Variants in TUBGCP4 observed in about 807,000 individuals in gnomAD.
TUBGCP4 encodes gamma-tubulin complex component 4.
A neutral mutation model predicts 91.6 loss-of-function variants in TUBGCP4; 54 were observed. That is an observed-to-expected ratio of 0.59 (90% CI 0.47 to 0.74). The LOEUF (loss-of-function observed/expected upper bound fraction) is 0.74. TUBGCP4 is among the 30% of genes least tolerant of loss of function. TUBGCP4 has a pLI of 0.00. For synonymous variants in TUBGCP4, 297 were observed against 302.8 expected, an observed-to-expected ratio of 0.98 and a Z score of 0.20; for missense variants, 593 against 800.9, an observed-to-expected ratio of 0.74 and a Z score of 3.13.
chr15:43,373,159 TAAAC>T (rs772473515), intron 1 of TUBGCP4, among the ~76,000 whole-genome samples: 8 of 152,180 alleles, frequency 5.3e-5, no homozygotes, highest in Non-Finnish European at 1.0e-4. Flanking sequence ...ATAATACTCT[TAAAC>T]AACTATAAAA....
At position 43,409,418 on chromosome 15, in the gene TUBGCP4, T is replaced by C; in HGVS notation, c.*4204T>C. 1 of 538,424 alleles carries C rather than the reference T, an allele frequency of 1.9e-6. No homozygotes were observed. Among genetic ancestry groups the C allele is most frequent in the Non-Finnish European group, 3.3e-6 (1 of 304,754 alleles). 33.4% of individuals were successfully genotyped at this position (538,424 alleles called of 1,614,324 possible). On this transcript the variant is annotated 3_prime_UTR_variant, in exon 18 of 18. Coordinates refer to ENST00000564079, the MANE Select transcript of TUBGCP4 (RefSeq NM_014444.5). ...ACTAAACATAAACATCAATCTTCTT[T>C]TGTCCCAGCAACAGAACCATAGCCA...
In TUBGCP4 at chr15:43,409,647, C is replaced by T; in HGVS notation, c.*4433C>T. 6.6e-7 allele frequency: 1 copy of T among 1,525,218 alleles called. No individual in the cohort carries two copies. Among genetic ancestry groups the T allele is most frequent in the Non-Finnish European group, 8.9e-7 (1 of 1,129,854 alleles). The allele number at this position is 1,525,218 out of a possible 1,614,324, so 94.5% of individuals were successfully genotyped here. The stretch of plus-strand genomic sequence containing the variant: ...TAGGTTACACAAAGAAACTCCTCAC[C>T]TGGGCTTCATTGAAATCTTCAAGGA... On this transcript the variant is annotated 3_prime_UTR_variant, in exon 18 of 18. Transcript: ENST00000564079.
chr15:43,375,466 T>C (rs533106432), intron 1 of TUBGCP4, among the ~76,000 whole-genome samples: 2 of 152,370 alleles, frequency 1.3e-5, no homozygotes, highest in East Asian at 3.9e-4. Context: ...ATTTTCCCAC[T>C]ACTTTTTTCT....
rs2044776473 is a variant in TUBGCP4 at position 43,404,157 on chromosome 15, C to T, written c.1849-256C>T. 5.6e-6 allele frequency: 3 copies of T among 538,844 alleles called. No individual in the cohort carries two copies. In the Admixed American group the frequency reaches 9.6e-5, roughly 17 times the overall value. 33.4% of individuals were successfully genotyped at this position (538,844 alleles called of 1,614,324 possible). On this transcript the variant is annotated intron_variant, in intron 16 of 17. Transcript: ENST00000564079. ...AAACGGGTTCTCCCCAACCCCAGTA[C>T]TTGACAAAATACATTAACTGGAAAC... is the stretch of plus-strand genomic sequence containing the variant.
At chr15:43,394,585 T>C (rs1302299587) in intron 9 of TUBGCP4, 1 of 152,428 alleles carries the variant, frequency 6.6e-6, no homozygotes, top group African/African-American at 2.4e-5. Context: ...ATGATTGATA[T>C]GCTTGGACCT....
intron 9 of TUBGCP4, among the ~76,000 whole-genome samples, chr15:43,393,844 G>C (rs920088403): frequency 4.6e-5 from 7 of 152,106 alleles, no homozygotes; most frequent in African/African-American, 1.7e-4. Flanking sequence ...AACAAAATGT[G>C]GTTTCGATCT....
chr15:43,381,475 G>A (rs1233849151), intron 6 of TUBGCP4, among the ~76,000 whole-genome samples: 1 of 152,176 alleles, frequency 6.6e-6, no homozygotes, highest in African/African-American at 2.4e-5. Context: ...GGTGGCTCAC[G>A]CTTGTAATCC....
At chr15:43,400,268 T>C (rs371997589) in intron 14 of TUBGCP4, 47 bp downstream of exon 14, 5 of 1,563,284 alleles carry the variant, frequency 3.2e-6, no homozygotes, top group African/African-American at 2.7e-5. Context: ...GAAAAACGTC[T>C]AGGAGGTTGG....
At chr15:43,395,344 AC>A in intron 10 of TUBGCP4, 187 bp downstream of exon 10, 1 of 701,906 alleles carries the variant, frequency 1.4e-6, no homozygotes, top group Non-Finnish European at 2.5e-6. Flanking sequence ...TTGGGAGTGT[AC>A]TTTTTTCTGG....
At chr15:43,404,286 G>A in intron 16 of TUBGCP4, 127 bp from the exon 17 acceptor site, 1 of 1,117,002 alleles carries the variant, frequency 9.0e-7, no homozygotes. Context: ...AGGAATGTGG[G>A]AAGGCCAGGT....
chr15:43,376,946 A>G lies in TUBGCP4; in HGVS notation c.331-68A>G, dbSNP rs2044214766. The G allele has an allele frequency of 4.5e-6, 6 of 1,333,882 alleles. No individual in the cohort carries two copies. In the East Asian group the frequency reaches 1.4e-4, roughly 31 times the overall value. 82.6% of individuals were successfully genotyped at this position (1,333,882 alleles called of 1,614,324 possible). A position where few individuals can be genotyped will look rare whatever the true frequency, so the allele number is the denominator to read the frequency against. ...AAGCCCATCATGAGATTCTCTTCTC[A>G]TTTTCATAGATCAAATAGATTTGAG... On this transcript the variant is annotated intron_variant, in intron 3 of 17. Transcript: ENST00000564079.
chr15:43,400,716 G>C (rs978391502), intron 14 of TUBGCP4, among the ~76,000 whole-genome samples: 9 of 152,018 alleles, frequency 5.9e-5, no homozygotes, highest in African/African-American at 2.2e-4. Flanking sequence ...AGGAGTTTGA[G>C]ACCAGCCTGG....
intron 9 of TUBGCP4, among the ~76,000 whole-genome samples, chr15:43,392,075 T>TACACACACACACAC (rs3986231): frequency 2.1e-4 from 28 of 133,182 alleles, no homozygotes; most frequent in African/African-American, 6.0e-4. Flanking sequence ...AAAATAGAGA[T>TACACACACACACAC]ACACACACAC....
At chr15:43,403,491 G>T (rs1595503790) in intron 15 of TUBGCP4, 192 bp from the exon 16 acceptor site, 1 of 549,366 alleles carries the variant, frequency 1.8e-6, no homozygotes, top group Non-Finnish European at 3.3e-6. Context: ...AGCCAGGAAA[G>T]GATGCATTTG....
At chr15:43,396,088 G>A (rs1332921228) in intron 11 of TUBGCP4, among the ~76,000 whole-genome samples, 4 of 152,234 alleles carry the variant, frequency 2.6e-5, no homozygotes, top group Admixed American at 2.6e-4. Context: ...TAAAACCCCA[G>A]TGGGAAAACT....
chr15:43,375,100 A>G (rs1367629593), intron 1 of TUBGCP4, among the ~76,000 whole-genome samples: 1 of 152,224 alleles, frequency 6.6e-6, no homozygotes, highest in Admixed American at 6.5e-5. Flanking sequence ...ACAGGGTTTC[A>G]TCATGTTGGC....
chr15:43,389,712 C>G (rs1250593835), intron 9 of TUBGCP4, among the ~76,000 whole-genome samples: 1 of 151,960 alleles, frequency 6.6e-6, no homozygotes, highest in African/African-American at 2.4e-5. Context: ...TCTCATGCTG[C>G]TAATAAAGAC....
intron 9 of TUBGCP4, among the ~76,000 whole-genome samples, chr15:43,387,405 A>G (rs1371823228): frequency 1.3e-5 from 2 of 152,214 alleles, no homozygotes; most frequent in East Asian, 3.8e-4. Flanking sequence ...CTGTGTTGTT[A>G]ACTATATTCC....
At position 43,395,037 on chromosome 15, in the gene TUBGCP4, A is replaced by G. The variant is rs1050466071; in HGVS notation, c.1015-70A>G. On this transcript the variant is annotated intron_variant, in intron 9 of 17. Coordinates refer to ENST00000564079, the MANE Select transcript of TUBGCP4 (RefSeq NM_014444.5). Reference sequence around the variant, plus strand: ...TCTTTTAATACATTGCTGGATTTGTATGGAACCATTCTTTGCAGGAGTTCT... The same window carrying G: ...TCTTTTAATACATTGCTGGATTTGTGTGGAACCATTCTTTGCAGGAGTTCT... The G allele has an allele frequency of 5.8e-6, 9 of 1,539,236 alleles. No individual in the cohort carries two copies. The East Asian group carries it at 1.1e-4, about 19-fold the overall frequency.
Sources: allele counts gnomAD v4.1 joint callset (sites outside exome capture counted in the v4.1 genomes callset), GRCh38; gene constraint gnomAD v4.1.1; transcripts MANE v1.5; gene names NCBI Gene and HGNC (gene_info 2026-07-23, HGNC 2026-07-21).